EMC6: variants seen among roughly 807,000 people sequenced by gnomAD.
EMC6 encodes ER membrane protein complex subunit 6, also known as transmembrane protein 93.
Under a neutral mutation model 6.5 loss-of-function variants are expected in EMC6, and 1 was observed. The ratio of observed to expected loss-of-function variants is 0.15; its 90% CI spans 0.05 to 0.73. The LOEUF (loss-of-function observed/expected upper bound fraction) is 0.73. EMC6 is among the 30% of genes least tolerant of loss of function. The pLI is 0.78. For missense variants in EMC6, 114 were observed against 146.7 expected, an observed-to-expected ratio of 0.78 and a Z score of 1.15; for synonymous variants, 96 against 74.3, an observed-to-expected ratio of 1.29 and a Z score of -1.50.
rs777620372 is a variant in EMC6, at chr17:3,669,440, G to A, written c.294G>A (p.Leu98=). 5.0e-6 allele frequency: 8 copies of A among 1,612,882 alleles called. No individual in the cohort carries two copies. The highest frequency in any genetic ancestry group is 4.4e-5 in the South Asian group (4 of 91,062). Residue 98 remains leucine (L), a synonymous_variant, in exon 2 of 2, where the codon CTG becomes CTA. Coordinates refer to ENST00000248378, the MANE Select transcript of EMC6 (RefSeq NM_031298.4). ...TCGGGGGCCTCTTCACCTACGTCCT[G>A]TTCTGGACGTTCCTCTACGGCATGG... ...GLIGGLFTYV[L]FWTFLYGMVH...
In EMC6 at chr17:3,669,155, G is replaced by T. The variant is rs1484583468; in HGVS notation, c.9G>T (p.Ala3=). The part of the protein sequence containing the change: MA[A]VVAKREGPPF... ...GAGCCCGGGCTGGTGCGATGGCCGC[G>T]GTGGTGGCCAAGCGGGAAGGGCCGC... is the stretch of plus-strand genomic sequence containing the variant. Residue 3 remains alanine (A), a synonymous_variant, in exon 2 of 2, where the codon GCG becomes GCT. Transcript: ENST00000248378. 1 of 1,527,728 alleles carries T rather than the reference G, an allele frequency of 6.5e-7. No individual in the cohort carries two copies. 94.6% of individuals were successfully genotyped at this position (1,527,728 alleles called of 1,614,324 possible).
Position 3,669,180 on chromosome 17 carries a change from C to T in EMC6, c.34C>T (p.Pro12Ser), listed in dbSNP as rs751227654. ...AAVVAKREGP[P>S]FISEAAVRGN... Reference sequence around the variant, plus strand: ...GGTGGTGGCCAAGCGGGAAGGGCCGCCGTTCATCAGCGAGGCGGCCGTGCG... The same window carrying T: ...GGTGGTGGCCAAGCGGGAAGGGCCGTCGTTCATCAGCGAGGCGGCCGTGCG... The change falls in exon 2 of 2, where the codon CCG becomes TCG. Residue 12 changes from proline (P) to serine (S), a missense_variant. Physicochemically the swap from Pro to Ser is moderately conservative, Grantham distance 74 (BLOSUM62 -1). Coordinates refer to ENST00000248378, the MANE Select transcript of EMC6 (RefSeq NM_031298.4). 8 of 1,562,718 alleles carry T rather than the reference C, an allele frequency of 5.1e-6. No individual in the cohort carries two copies. Among genetic ancestry groups the T allele is most frequent in the Non-Finnish European group, 6.9e-6 (8 of 1,153,588 alleles).
At position 3,669,264 on chromosome 17, in the gene EMC6, ACGGC is replaced by A. The variant is rs756975071; in HGVS notation, c.123_126del (p.Gly42SerfsTer89). 6.2e-7 allele frequency: 1 copy of A among 1,613,842 alleles called. No homozygotes were observed. The highest frequency in any genetic ancestry group is 8.5e-7 in the Non-Finnish European group (1 of 1,179,998). On this transcript the variant is annotated frameshift_variant, in exon 2 of 2. Transcript: ENST00000248378. LOFTEE classifies it high-confidence loss of function. ...CTCGGTGTCAGCGCTGTCGGGGGCC[ACGGC>A]CGGCATCCTCGGCCTCACCGGCCTC...
At chr17:3,669,031 G>A in intron 1 of EMC6, 67 bp from the exon 2 acceptor site, 1 of 966,276 alleles carries the variant, frequency 1.0e-6, no homozygotes, top group Non-Finnish European at 1.5e-6. Flanking sequence ...AGCTCCAGGG[G>A]GAGGGGGCGG....
Position 3,669,069 on chromosome 17 carries a change from CG to C in EMC6, c.-49-28del, listed in dbSNP as rs2049971402. The C allele has an allele frequency of 4.4e-6, 6 of 1,366,762 alleles. No individual in the cohort carries two copies. In the East Asian group the frequency reaches 1.5e-4, roughly 35 times the overall value. 84.7% of individuals were successfully genotyped at this position (1,366,762 alleles called of 1,614,324 possible). Reference sequence around the variant, plus strand: ...TGAACCCAACTCACCGAGCTCCGGGCGCCACTTGTAACTTGGTTTTCTCCGC... The same window carrying C: ...TGAACCCAACTCACCGAGCTCCGGGCCCACTTGTAACTTGGTTTTCTCCGC... On this transcript the variant is annotated intron_variant, in intron 1 of 1. Coordinates refer to ENST00000248378, the MANE Select transcript of EMC6 (RefSeq NM_031298.4).
rs1369187993 is a variant in EMC6, at chr17:3,669,571, G to A, written c.*92G>A. ...TGTAGACTTCCTTAGTTCTTAAGTG[G>A]TTGAATTCGCTGCTTGTTCTGTAAC... On this transcript the variant is annotated 3_prime_UTR_variant, in exon 2 of 2. Transcript: ENST00000248378. The A allele has an allele frequency of 5.0e-6, 5 of 1,001,464 alleles. No homozygotes were observed. The highest frequency in any genetic ancestry group is 3.2e-5 in the African/African-American group (2 of 61,550). The allele number at this position is 1,001,464 out of a possible 1,614,324, so 62.0% of individuals were successfully genotyped here. A position where few individuals can be genotyped will look rare whatever the true frequency, so the allele number is the denominator to read the frequency against.
rs761595921 is a variant in EMC6, at chr17:3,669,657, C to G, written c.*178C>G. 1.7e-6 allele frequency: 1 copy of G among 586,070 alleles called. No homozygotes were observed. Among genetic ancestry groups the G allele is most frequent in the Non-Finnish European group, 2.9e-6 (1 of 341,606 alleles). 36.3% of individuals were successfully genotyped at this position (586,070 alleles called of 1,614,324 possible). On this transcript the variant is annotated 3_prime_UTR_variant, in exon 2 of 2. Coordinates refer to ENST00000248378, the MANE Select transcript of EMC6 (RefSeq NM_031298.4). Reference sequence around the variant, plus strand: ...GTAATATTCTTCAGATTAAATGAAGCGTGAGACACTTTGTGGAGTTCTTTC... The same window carrying G: ...GTAATATTCTTCAGATTAAATGAAGGGTGAGACACTTTGTGGAGTTCTTTC...
Position 3,669,398 on chromosome 17 carries a change from C to G in EMC6, c.252C>G (p.Leu84=), listed in dbSNP as rs747234181. 1.9e-6 allele frequency: 3 copies of G among 1,614,062 alleles called. No individual in the cohort carries two copies. Among genetic ancestry groups the G allele is most frequent in the South Asian group, 2.2e-5 (2 of 91,078 alleles). The change falls in exon 2 of 2, where the codon CTC becomes CTG. Residue 84 remains leucine (L), a synonymous_variant. Transcript: ENST00000248378. The part of the protein sequence containing the change: ...WNKYFKSRRP[L]FTGGLIGGLF... The stretch of plus-strand genomic sequence containing the variant: ...AATATTTCAAATCACGGAGACCTCT[C>G]TTTACAGGAGGCCTCATCGGGGGCC...
intron 1 of EMC6, 29 bp from the exon 2 acceptor site, chr17:3,669,069 C>T: frequency 7.3e-7 from 1 of 1,366,762 alleles, no homozygotes; most frequent in Non-Finnish European, 9.6e-7. Flanking sequence ...GAGCTCCGGG[C>T]GCCACTTGTA....
rs1158221339 is a variant in EMC6, at chr17:3,669,196, C to T, written c.50C>T (p.Ala17Val). ...KREGPPFISE[A>V]AVRGNAAVLD... Reference sequence around the variant, plus strand: ...GAAGGGCCGCCGTTCATCAGCGAGGCGGCCGTGCGGGGCAACGCCGCCGTC... The same window carrying T: ...GAAGGGCCGCCGTTCATCAGCGAGGTGGCCGTGCGGGGCAACGCCGCCGTC... The change falls in exon 2 of 2, where the codon GCG (alanine) becomes GTG (valine). Residue 17 changes from alanine to valine, a missense_variant. By Grantham distance (64) the Ala-to-Val change is moderately conservative (BLOSUM62 0). Transcript: ENST00000248378. The T allele has an allele frequency of 1.0e-5, 16 of 1,583,296 alleles. No individual in the cohort carries two copies. Among genetic ancestry groups the T allele is most frequent in the Non-Finnish European group, 1.4e-5 (16 of 1,164,084 alleles).
chr17:3,669,201 GT>G lies in EMC6; in HGVS notation c.56del (p.Val19GlyfsTer113). The G allele has an allele frequency of 6.3e-7, 1 of 1,593,020 alleles. No homozygotes were observed. Among genetic ancestry groups the G allele is most frequent in the Non-Finnish European group, 8.6e-7 (1 of 1,169,398 alleles). ...GCCGCCGTTCATCAGCGAGGCGGCC[GT>G]GCGGGGCAACGCCGCCGTCCTGGAT... ...EGPPFISEAA[V>X]RGNAAVLDYC... is the part of the protein sequence containing the mutation. On this transcript the variant is annotated frameshift_variant, in exon 2 of 2. Transcript: ENST00000248378. LOFTEE classifies it high-confidence loss of function.
Position 3,668,996 on chromosome 17 carries a change from C to CCCAGGACTGGTG in EMC6, c.-49-96_-49-85dup. 1.4e-6 allele frequency: 1 copy of CCCAGGACTGGTG among 732,386 alleles called. No homozygotes were observed. 45.4% of individuals were successfully genotyped at this position (732,386 alleles called of 1,614,324 possible). A position where few individuals can be genotyped will look rare whatever the true frequency, so the allele number is the denominator to read the frequency against. ...CTCGGCGTCTTTGGAAGATCCGAGG[C>CCCAGGACTGGTG]CCAGGACTGGTGCCAGGTCTCGGAA... is the stretch of plus-strand genomic sequence containing the variant. On this transcript the variant is annotated intron_variant, in intron 1 of 1. Transcript: ENST00000248378. The surrounding 1 kb of genome is among the most constrained non-coding windows in gnomAD (Gnocchi z 4.1).
chr17:3,669,215 C>T lies in EMC6; in HGVS notation c.69C>T (p.Ala23=), dbSNP rs771072069. Residue 23 remains alanine (A), a synonymous_variant, in exon 2 of 2, where the codon GCC becomes GCT. Coordinates refer to ENST00000248378, the MANE Select transcript of EMC6 (RefSeq NM_031298.4). ...FISEAAVRGN[A]AVLDYCRTSV... ...GCGAGGCGGCCGTGCGGGGCAACGC[C>T]GCCGTCCTGGATTATTGCCGGACCT... 2 of 1,605,894 alleles carry T rather than the reference C, an allele frequency of 1.2e-6. No individual in the cohort carries two copies. The highest frequency in any genetic ancestry group is 1.1e-5 in the South Asian group (1 of 90,322).
rs764493970 is a variant in EMC6 at position 3,669,374 on chromosome 17, A to G, written c.228A>G (p.Lys76=). The part of the protein sequence containing the change: ...LILKAGRRWN[K]YFKSRRPLFT... ...TCAAGGCGGGAAGGAGGTGGAACAA[A>G]TATTTCAAATCACGGAGACCTCTCT... Residue 76 remains lysine (K), a synonymous_variant, in exon 2 of 2, where the codon AAA becomes AAG. Coordinates refer to ENST00000248378, the MANE Select transcript of EMC6 (RefSeq NM_031298.4). The G allele has an allele frequency of 3.1e-6, 5 of 1,614,106 alleles. No individual in the cohort carries two copies. The highest frequency in any genetic ancestry group is 1.1e-5 in the South Asian group (1 of 91,088).
At position 3,669,352 on chromosome 17, in the gene EMC6, A is replaced by G. The variant is rs1324884493; in HGVS notation, c.206A>G (p.Lys69Arg). The G allele has an allele frequency of 6.2e-7, 1 of 1,614,146 alleles. No homozygotes were observed. Among genetic ancestry groups the G allele is most frequent in the Non-Finnish European group, 8.5e-7 (1 of 1,180,028 alleles). Residue 69 changes from lysine (K) to arginine (R), a missense_variant, in exon 2 of 2, where the codon AAG becomes AGG. Coordinates refer to ENST00000248378, the MANE Select transcript of EMC6 (RefSeq NM_031298.4). ...SVLLSLLLILKAGRRWNKYFK... is the reference protein window; with the variant it reads ...SVLLSLLLILRAGRRWNKYFK... Reference sequence around the variant, plus strand: ...CTGCTCTCCCTGCTCCTCATTCTCAAGGCGGGAAGGAGGTGGAACAAATAT... The same window carrying G: ...CTGCTCTCCCTGCTCCTCATTCTCAGGGCGGGAAGGAGGTGGAACAAATAT...
At position 3,669,536 on chromosome 17, in the gene EMC6, A is replaced by G. The variant is rs1457617306; in HGVS notation, c.*57A>G. 4.3e-6 allele frequency: 6 copies of G among 1,402,776 alleles called. No homozygotes were observed. Among genetic ancestry groups the G allele is most frequent in the Non-Finnish European group, 5.8e-6 (6 of 1,026,212 alleles). The allele number at this position is 1,402,776 out of a possible 1,614,324, so 86.9% of individuals were successfully genotyped here. A position where few individuals can be genotyped will look rare whatever the true frequency, so the allele number is the denominator to read the frequency against. Reference sequence around the variant, plus strand: ...CAGATCGGGAGGACTGTGGCCAGCAATTAACACCATGTAGACTTCCTTAGT... The same window carrying G: ...CAGATCGGGAGGACTGTGGCCAGCAGTTAACACCATGTAGACTTCCTTAGT... On this transcript the variant is annotated 3_prime_UTR_variant, in exon 2 of 2. Transcript: ENST00000248378.
chr17:3,669,284 C>T lies in EMC6; in HGVS notation c.138C>T (p.Leu46=), dbSNP rs370563455. Reference sequence around the variant, plus strand: ...GGGCCACGGCCGGCATCCTCGGCCTCACCGGCCTCTACGGCTTCATCTTCT... The same window carrying T: ...GGGCCACGGCCGGCATCCTCGGCCTTACCGGCCTCTACGGCTTCATCTTCT... The part of the protein sequence containing the change: ...LSGATAGILG[L]TGLYGFIFYL... The change falls in exon 2 of 2, where the codon CTC becomes CTT. Residue 46 remains leucine, a synonymous_variant. Coordinates refer to ENST00000248378, the MANE Select transcript of EMC6 (RefSeq NM_031298.4). The T allele has an allele frequency of 1.2e-5, 19 of 1,613,954 alleles. No individual in the cohort carries two copies. The African/African-American group carries it at 2.1e-4, about 18-fold the overall frequency.
Position 3,669,533 on chromosome 17 carries a change from G to A in EMC6, c.*54G>A. 7.0e-7 allele frequency: 1 copy of A among 1,428,264 alleles called. No homozygotes were observed. The highest frequency in any genetic ancestry group is 9.6e-7 in the Non-Finnish European group (1 of 1,046,342). The allele number at this position is 1,428,264 out of a possible 1,614,324, so 88.5% of individuals were successfully genotyped here. A position where few individuals can be genotyped will look rare whatever the true frequency, so the allele number is the denominator to read the frequency against. On this transcript the variant is annotated 3_prime_UTR_variant, in exon 2 of 2. Coordinates refer to ENST00000248378, the MANE Select transcript of EMC6 (RefSeq NM_031298.4). ...AACCAGATCGGGAGGACTGTGGCCA[G>A]CAATTAACACCATGTAGACTTCCTT... is the stretch of plus-strand genomic sequence containing the variant.
chr17:3,669,285 A>T lies in EMC6; in HGVS notation c.139A>T (p.Thr47Ser). Residue 47 changes from threonine (T) to serine (S), a missense_variant, in exon 2 of 2, where the codon ACC becomes TCC. Coordinates refer to ENST00000248378, the MANE Select transcript of EMC6 (RefSeq NM_031298.4). ...SGATAGILGLTGLYGFIFYLL... is the reference protein window; with the variant it reads ...SGATAGILGLSGLYGFIFYLL... ...GGCCACGGCCGGCATCCTCGGCCTC[A>T]CCGGCCTCTACGGCTTCATCTTCTA... is the stretch of plus-strand genomic sequence containing the variant. 6.2e-7 allele frequency: 1 copy of T among 1,613,998 alleles called. No homozygotes were observed. Among genetic ancestry groups the T allele is most frequent in the Non-Finnish European group, 8.5e-7 (1 of 1,180,028 alleles).
Sources: gnomAD v4.1 joint callset for allele counts on GRCh38, gnomAD v4.1.1 for gene constraint, Gnocchi (gnomAD v3.1) non-coding constraint, MANE v1.5 for transcripts, NCBI Gene and HGNC (gene_info 2026-07-23, HGNC 2026-07-21) for gene names.